KCNMB2: variants seen among roughly 807,000 people sequenced by gnomAD.
KCNMB2 encodes calcium-activated potassium channel subunit beta-2.
KCNMB2 carries 9 observed loss-of-function variants against 24.5 expected under a neutral mutation model. That is an observed-to-expected ratio of 0.37 (90% CI 0.22 to 0.64). The LOEUF (loss-of-function observed/expected upper bound fraction) is 0.64, where lower values mean the gene tolerates loss of function less well. Among genes scored for constraint, KCNMB2 ranks in the 30% least tolerant of loss-of-function variants. The pLI, the probability that KCNMB2 is intolerant of heterozygous loss-of-function variation, is 0.63. For synonymous variants in KCNMB2, 109 were observed against 104.4 expected (o/e 1.04, Z -0.27); for missense variants, 226 against 284.3 (o/e 0.79, Z 1.47).
At chr3:178,640,433 C>T (rs1719682429) in intron 1 of KCNMB2, among the ~76,000 whole-genome samples, 1 of 152,110 alleles carries the variant, frequency 6.6e-6, no homozygotes, top group South Asian at 2.1e-4. Flanking sequence ...TAAGAACTCA[C>T]TCACTATCAC....
intron 2 of KCNMB2, among the ~76,000 whole-genome samples, chr3:178,825,316 A>G (rs1714789926): frequency 6.6e-6 from 1 of 152,174 alleles, no homozygotes; most frequent in South Asian, 2.1e-4. Flanking sequence ...ATAGAAGGAA[A>G]ATTAATTTGC....
intron 1 of KCNMB2, among the ~76,000 whole-genome samples, chr3:178,613,947 C>G (rs1006073279): frequency 2.0e-5 from 3 of 151,424 alleles, no homozygotes; most frequent in African/African-American, 7.3e-5. Flanking sequence ...TTAGATTTGC[C>G]CTTTTGAGGC....
rs186748584 is a variant in KCNMB2 at position 178,685,794 on chromosome 3, T to C, written c.-67-121549T>C. Among the ~76,000 whole-genome samples, 254 of 152,328 alleles carry C rather than the reference T, an allele frequency of 1.7e-3. 2 individuals carry two copies. Among genetic ancestry groups the C allele is most frequent in the African/African-American group, 5.9e-3 (245 of 41,578 alleles). Reference sequence around the variant, plus strand: ...TTCTGAAGGAATAAGCATTGATAGATAGAAACCAGAAGAAAACCCAATAAA... The same window carrying C: ...TTCTGAAGGAATAAGCATTGATAGACAGAAACCAGAAGAAAACCCAATAAA... On this transcript the variant is annotated intron_variant, in intron 1 of 4. Coordinates refer to ENST00000452583, the MANE Select transcript of KCNMB2 (RefSeq NM_181361.3).
chr3:178,629,871 T>C (rs1218102476), intron 1 of KCNMB2, among the ~76,000 whole-genome samples: 1 of 152,202 alleles, frequency 6.6e-6, no homozygotes, highest in Non-Finnish European at 1.5e-5. Flanking sequence ...CATACCTCCA[T>C]ACTTTCAAAG....
intron 1 of KCNMB2, among the ~76,000 whole-genome samples, chr3:178,794,090 T>C (rs111554932): frequency 6.6e-6 from 1 of 152,156 alleles, no homozygotes; most frequent in South Asian, 2.1e-4. Context: ...AAGCAGCCAC[T>C]GGCCCCAGGT....
rs1270493650 is a variant in KCNMB2, at chr3:178,760,124, C to A, written c.-67-47219C>A. Among the ~76,000 whole-genome samples, 83 of 11,016 alleles carry A rather than the reference C, an allele frequency of 7.5e-3. 5 individuals are homozygous for A. Among genetic ancestry groups the A allele is most frequent in the Middle Eastern group, 0.2 (2 of 10 alleles). The allele number at this position is 11,016 out of a possible 152,430, so 7.2% of individuals were successfully genotyped here. On this transcript the variant is annotated intron_variant, in intron 1 of 4. Coordinates refer to ENST00000452583, the MANE Select transcript of KCNMB2 (RefSeq NM_181361.3). ...TATATATATATCCAAGAGGATATAT[C>A]TATATATATATATATATCCAAGAGG...
At chr3:178,541,821 CT>C (rs1715628486) in intron 1 of KCNMB2, among the ~76,000 whole-genome samples, 1 of 152,152 alleles carries the variant, frequency 6.6e-6, no homozygotes, top group Non-Finnish European at 1.5e-5. Context: ...TTGCCTTCTA[CT>C]TTTAAACTTA....
intron 1 of KCNMB2, among the ~76,000 whole-genome samples, chr3:178,717,260 A>G (rs1722647703): frequency 6.6e-6 from 1 of 152,024 alleles, no homozygotes; most frequent in African/African-American, 2.4e-5. Flanking sequence ...TTCCAGCACC[A>G]CTGTGTTCAT....
At chr3:178,717,964 G>T (rs182440213) in intron 1 of KCNMB2, among the ~76,000 whole-genome samples, 1 of 151,328 alleles carries the variant, frequency 6.6e-6, no homozygotes, top group Non-Finnish European at 1.5e-5. Context: ...CTAAACTCTC[G>T]TCCATTTCTA....
At position 178,643,692 on chromosome 3, in the gene KCNMB2, T is replaced by C. The variant is rs537483379; in HGVS notation, c.-68+106981T>C. On this transcript the variant is annotated intron_variant, in intron 1 of 4. Coordinates refer to ENST00000452583, the MANE Select transcript of KCNMB2 (RefSeq NM_181361.3). ...GCCCACAGGAAACAGTAGGTTCCAGTCATAGAAATGCCCCAAATTTCAAAC... is the reference window on the plus strand; with the variant it reads ...GCCCACAGGAAACAGTAGGTTCCAGCCATAGAAATGCCCCAAATTTCAAAC... 2.6e-5 allele frequency among the ~76,000 whole-genome samples: 4 copies of C among 152,312 alleles called. No homozygotes were observed. The South Asian group carries it at 8.3e-4, about 32-fold the overall frequency.
At chr3:178,630,043 T>G (rs537520329) in intron 1 of KCNMB2, among the ~76,000 whole-genome samples, 3 of 152,196 alleles carry the variant, frequency 2.0e-5, no homozygotes, top group African/African-American at 4.8e-5. Flanking sequence ...TCTCCAGTGC[T>G]AAAGGAAGAA....
chr3:178,760,978 G>A (rs1711849711), intron 1 of KCNMB2, among the ~76,000 whole-genome samples: 1 of 151,944 alleles, frequency 6.6e-6, no homozygotes, highest in Admixed American at 6.6e-5. Context: ...GCAATTCTGG[G>A]CTCTAGGGCC....
At chr3:178,805,612 G>T (rs1001231006) in intron 1 of KCNMB2, among the ~76,000 whole-genome samples, 2 of 151,950 alleles carry the variant, frequency 1.3e-5, no homozygotes, top group Non-Finnish European at 2.9e-5. Flanking sequence ...AGCAGAATTT[G>T]AATTGTAACA....
At chr3:178,551,273 A>G (rs1049178541) in intron 1 of KCNMB2, among the ~76,000 whole-genome samples, 2 of 152,174 alleles carry the variant, frequency 1.3e-5, no homozygotes, top group African/African-American at 4.8e-5. Flanking sequence ...TTACACATTG[A>G]ATTCACTCTA....
chr3:178,565,162 G>T (rs1716474096), intron 1 of KCNMB2, among the ~76,000 whole-genome samples: 1 of 152,132 alleles, frequency 6.6e-6, no homozygotes, highest in South Asian at 2.1e-4. Flanking sequence ...ATTAACAGTA[G>T]TTACATCTAG....
intron 1 of KCNMB2, among the ~76,000 whole-genome samples, chr3:178,664,755 T>G (rs6778838): frequency 0.71 from 108,287 of 151,878 alleles, 39,042 homozygotes; most frequent in African/African-American, 0.85. Context: ...GGGAAAAATT[T>G]CATTTTCACG....
At chr3:178,698,181 T>C (rs1721950103) in intron 1 of KCNMB2, among the ~76,000 whole-genome samples, 1 of 152,232 alleles carries the variant, frequency 6.6e-6, no homozygotes, top group South Asian at 2.1e-4. Flanking sequence ...GAAAACATCC[T>C]GAAATAAGTC....
chr3:178,658,067 T>C (rs912879127), intron 1 of KCNMB2, among the ~76,000 whole-genome samples: 6 of 152,188 alleles, frequency 3.9e-5, no homozygotes, highest in Non-Finnish European at 1.5e-5. Context: ...TTTGATCCAG[T>C]CCTATTTTGC....
In KCNMB2 at chr3:178,821,787, A is replaced by C. The variant is rs538584789; in HGVS notation, c.57-3801A>C. Among the ~76,000 whole-genome samples, 172 of 152,142 alleles carry C rather than the reference A, an allele frequency of 1.1e-3. 1 individual carries two copies. Among genetic ancestry groups the C allele is most frequent in the African/African-American group, 4.1e-3 (170 of 41,528 alleles). ...AAATCTAAACTATATCCTTTTTCTTACTTCCTCATCATCCCCTGTATTCTA... is the reference window on the plus strand; with the variant it reads ...AAATCTAAACTATATCCTTTTTCTTCCTTCCTCATCATCCCCTGTATTCTA... On this transcript the variant is annotated intron_variant, in intron 2 of 4. Coordinates refer to ENST00000452583, the MANE Select transcript of KCNMB2 (RefSeq NM_181361.3).
Sources: gnomAD v4.1 joint callset for allele counts (sites outside exome capture counted in the v4.1 genomes callset) on GRCh38, gnomAD v4.1.1 for gene constraint, MANE v1.5 for transcripts, NCBI Gene and HGNC (gene_info 2026-07-23, HGNC 2026-07-21) for gene names.